SLC6A2: variants seen among roughly 807,000 people sequenced by gnomAD.
SLC6A2 encodes solute carrier family 6 member 2, also known as sodium-dependent noradrenaline transporter.
Under a neutral mutation model 71.7 loss-of-function variants are expected in SLC6A2, and 26 were observed. The observed-to-expected ratio is 0.36, with a 90% CI of 0.27 to 0.50. SLC6A2 has a LOEUF of 0.50. Ranked by LOEUF, SLC6A2 falls within the 20% of genes least tolerant of loss-of-function variation. SLC6A2 has a pLI of 0.96. For missense variants in SLC6A2, 581 were observed against 803.9 expected (o/e 0.72, Z 3.35); for synonymous variants, 363 against 337.9 (o/e 1.07, Z -0.82).
chr16:55,700,436 T>C lies in SLC6A2; in HGVS notation c.1758+130T>C, dbSNP rs111824362. ...GACACTAGGGTCAAACGGACCCACC[T>C]CATTGGCCAGGTTATTTTCCCCCAT... is the stretch of plus-strand genomic sequence containing the variant. On this transcript the variant is annotated intron_variant, in intron 13 of 14. Coordinates refer to ENST00000568943, the MANE Select transcript of SLC6A2 (RefSeq NM_001172501.3). The C allele has an allele frequency of 4.5e-3, 3,346 of 738,600 alleles. 89 individuals are homozygous for C. In the African/African-American group the frequency reaches 0.053, roughly 12 times the overall value. The allele number at this position is 738,600 out of a possible 1,614,324, so 45.8% of individuals were successfully genotyped here.
At chr16:55,695,247 G>C (rs186572594) in intron 7 of SLC6A2, 31 bp from the exon 8 acceptor site, 2 of 1,613,420 alleles carry the variant, frequency 1.2e-6, no homozygotes, top group African/African-American at 2.7e-5. Flanking sequence ...GGGTGTCAAG[G>C]GACTTGACCT....
At chr16:55,697,863 A>G in intron 9 of SLC6A2, 34 bp from the exon 10 acceptor site, 1 of 1,613,090 alleles carries the variant, frequency 6.2e-7, no homozygotes, top group Non-Finnish European at 8.5e-7. Context: ...GGAGACCCTA[A>G]TTCCTGCACC....
chr16:55,672,093 C>G lies in SLC6A2; in HGVS notation c.562C>G (p.Pro188Ala). 1 of 1,614,186 alleles carries G rather than the reference C, an allele frequency of 6.2e-7. No homozygotes were observed. Among genetic ancestry groups the G allele is most frequent in the Non-Finnish European group, 8.5e-7 (1 of 1,180,034 alleles). Residue 188 changes from proline (P) to alanine (A), a missense_variant, in exon 4 of 15, where the codon CCC (proline) becomes GCC (alanine). Around this residue, in one of 5 missense-constraint regions of SLC6A2, gnomAD observed 87 missense variants for 99.5 expected, o/e 0.87. Transcript: ENST00000568943. ...HTWNSPNCTD[P>A]KLLNGSVLGN... is the part of the protein sequence containing the mutation. ...CTGGAACAGCCCCAACTGTACCGAC[C>G]CCAAGCTCCTCAATGGCTCCGTGCT...
Position 55,696,207 on chromosome 16 carries a change from C to G in SLC6A2, c.1148-18C>G, listed in dbSNP as rs371922651. ...CAATGGTTTCAGCCATTGATGAGGT[C>G]CTTGATGTTTCTTACAGGAGCTGGC... On this transcript the variant is annotated intron_variant, in intron 8 of 14. Coordinates refer to ENST00000568943, the MANE Select transcript of SLC6A2 (RefSeq NM_001172501.3). 40 of 1,464,778 alleles carry G rather than the reference C, an allele frequency of 2.7e-5. No homozygotes were observed. The African/African-American group carries it at 4.9e-4, about 18-fold the overall frequency. 90.7% of individuals were successfully genotyped at this position (1,464,778 alleles called of 1,614,324 possible).
intron 2 of SLC6A2, among the ~76,000 whole-genome samples, chr16:55,661,779 C>T (rs898070580): frequency 6.6e-6 from 1 of 152,136 alleles, no homozygotes; most frequent in African/African-American, 2.4e-5. Flanking sequence ...GCATGGGGTC[C>T]CATGACCTTC....
At chr16:55,696,043 G>A (rs1965787240) in intron 8 of SLC6A2, among the ~76,000 whole-genome samples, 182 bp from the exon 9 acceptor site, 1 of 152,154 alleles carries the variant, frequency 6.6e-6, no homozygotes, top group Non-Finnish European at 1.5e-5. Flanking sequence ...TGGCTGTTGG[G>A]GGTCAACCTC....
chr16:55,662,038 T>G (rs1334489735), intron 2 of SLC6A2, among the ~76,000 whole-genome samples: 1 of 152,174 alleles, frequency 6.6e-6, no homozygotes, highest in Non-Finnish European at 1.5e-5. Context: ...AGATGCACAA[T>G]GAGCCAGCCA....
At chr16:55,695,059 G>A (rs1282335001) in intron 7 of SLC6A2, among the ~76,000 whole-genome samples, 1 of 152,204 alleles carries the variant, frequency 6.6e-6, no homozygotes, top group African/African-American at 2.4e-5. Flanking sequence ...TCCCTGGCAG[G>A]AGTAGACTCT....
chr16:55,661,852 C>G (rs1488510534), intron 2 of SLC6A2, among the ~76,000 whole-genome samples: 3 of 152,186 alleles, frequency 2.0e-5, no homozygotes, highest in Non-Finnish European at 4.4e-5. Flanking sequence ...TCTTAGGGAC[C>G]CCCAGCCCTT....
intron 4 of SLC6A2, among the ~76,000 whole-genome samples, chr16:55,677,120 A>G (rs1470493436): frequency 6.6e-6 from 1 of 152,184 alleles, no homozygotes; most frequent in Non-Finnish European, 1.5e-5. Context: ...TCAGGCTGAC[A>G]TCTCTATAGA....
intron 4 of SLC6A2, among the ~76,000 whole-genome samples, chr16:55,674,015 T>C (rs1340748048): frequency 6.6e-6 from 1 of 152,226 alleles, no homozygotes; most frequent in African/African-American, 2.4e-5. Context: ...TTATTGTTGT[T>C]GTTATTATTA....
At chr16:55,665,940 G>T (rs1434850849) in intron 2 of SLC6A2, among the ~76,000 whole-genome samples, 3 of 152,204 alleles carry the variant, frequency 2.0e-5, no homozygotes, top group Admixed American at 1.3e-4. Flanking sequence ...TTTCTTTCAT[G>T]GTCGACAGTT....
At chr16:55,683,568 G>A (rs530562879) in intron 4 of SLC6A2, among the ~76,000 whole-genome samples, 16 of 152,122 alleles carry the variant, frequency 1.1e-4, no homozygotes, top group South Asian at 2.1e-4. Flanking sequence ...AGCCGTCATC[G>A]CACCATTGCA....
chr16:55,678,522 A>G (rs1227989943), intron 4 of SLC6A2, among the ~76,000 whole-genome samples: 2 of 152,088 alleles, frequency 1.3e-5, no homozygotes, highest in East Asian at 1.9e-4. Context: ...ATTCAAGGGA[A>G]CAAAACTGCT....
intron 5 of SLC6A2, among the ~76,000 whole-genome samples, chr16:55,686,855 G>C (rs75513651): frequency 0.026 from 3,993 of 152,270 alleles, 78 homozygotes; most frequent in Middle Eastern, 0.054. Context: ...TCTGATGCCT[G>C]GCACCTAGTA....
At chr16:55,685,413 C>T (rs1201195121) in intron 5 of SLC6A2, 132 bp downstream of exon 5, 1 of 933,010 alleles carries the variant, frequency 1.1e-6, no homozygotes, top group Admixed American at 1.8e-5. Context: ...GGTTCAAGCC[C>T]CTGTTCTGCC....
intron 2 of SLC6A2, among the ~76,000 whole-genome samples, chr16:55,665,032 T>C (rs1964711312): frequency 6.6e-6 from 1 of 152,002 alleles, no homozygotes; most frequent in Non-Finnish European, 1.5e-5. Flanking sequence ...GAGGTGGGGG[T>C]GTCTGCAAGG....
intron 4 of SLC6A2, among the ~76,000 whole-genome samples, chr16:55,683,704 G>A (rs1965354814): frequency 1.3e-5 from 2 of 152,114 alleles, no homozygotes; most frequent in South Asian, 4.2e-4. Context: ...TTACAAAGGA[G>A]TGACTATCAT....
intron 2 of SLC6A2, among the ~76,000 whole-genome samples, chr16:55,658,440 G>T: frequency 6.6e-6 from 1 of 152,210 alleles, no homozygotes; most frequent in East Asian, 1.9e-4. Context: ...TTGAACCCGG[G>T]ATGTGGAGGT....
Sources: allele counts gnomAD v4.1 joint callset (sites outside exome capture counted in the v4.1 genomes callset), GRCh38; gene constraint gnomAD v4.1.1; regional missense constraint gnomAD v4.1.1; transcripts MANE v1.5; gene names NCBI Gene and HGNC (gene_info 2026-07-23, HGNC 2026-07-21).